The following NTM variants were observed in gnomAD, a reference collection of about 807,000 sequenced individuals.
NTM encodes the protein neurotrimin.
Under a neutral mutation model 42.1 loss-of-function variants are expected in NTM, and 13 were observed. The observed-to-expected ratio is 0.31, with a 90% CI of 0.20 to 0.49. The LOEUF (loss-of-function observed/expected upper bound fraction) is 0.49. Among genes scored for constraint, NTM ranks in the 20% least tolerant of loss-of-function variants. The pLI, the probability that NTM is intolerant of heterozygous loss-of-function variation, is 0.99. For synonymous variants in NTM, 187 were observed against 179.2 expected, an observed-to-expected ratio of 1.04 and a Z score of -0.35; for missense variants, 373 against 452.8, an observed-to-expected ratio of 0.82 and a Z score of 1.60.
At chr11:131,779,740 C>T (rs2087712714) in intron 1 of NTM, among the ~76,000 whole-genome samples, 1 of 151,988 alleles carries the variant, frequency 6.6e-6, no homozygotes, top group South Asian at 2.1e-4. Context: ...AGCAGATGTT[C>T]TTTAGGTGGA....
intron 3 of NTM, among the ~76,000 whole-genome samples, chr11:132,169,319 A>ATTTTTTTTTTTTTTTTTTTTTTT (rs1491121130): frequency 9.7e-5 from 1 of 10,288 alleles, no homozygotes; most frequent in African/African-American, 2.9e-4. Context: ...TAATTTTTTT[A>ATTTTTTTTTTTTTTTTTTTTTTT]CTTTTTTTTT....
intron 3 of NTM, among the ~76,000 whole-genome samples, chr11:132,159,320 C>T (rs181730255): frequency 1.3e-3 from 198 of 152,218 alleles, no homozygotes; most frequent in African/African-American, 4.4e-3. Context: ...TCCTAAGAGA[C>T]GCGTTTATTC....
chr11:131,803,023 C>G (rs1427671285), intron 1 of NTM, among the ~76,000 whole-genome samples: 1 of 152,186 alleles, frequency 6.6e-6, no homozygotes, highest in Non-Finnish European at 1.5e-5. Flanking sequence ...GCCAATAATT[C>G]TAGCATGTCA....
intron 1 of NTM, among the ~76,000 whole-genome samples, chr11:131,754,087 A>G (rs2082957480): frequency 7.2e-6 from 1 of 138,542 alleles, no homozygotes; most frequent in Non-Finnish European, 1.5e-5. Flanking sequence ...AACAATGAGA[A>G]CACATGGACA....
chr11:131,874,841 T>G (rs184572137), intron 1 of NTM, among the ~76,000 whole-genome samples: 8 of 152,330 alleles, frequency 5.3e-5, no homozygotes, highest in African/African-American at 1.7e-4. Context: ...CCCTTATCAG[T>G]TGGATTTTCT....
At chr11:131,684,243 G>T (rs1188021609) in intron 1 of NTM, among the ~76,000 whole-genome samples, 2 of 152,132 alleles carry the variant, frequency 1.3e-5, no homozygotes, top group Non-Finnish European at 2.9e-5. Context: ...ACGTCCTGAC[G>T]ACAGTGACTC....
At chr11:131,713,012 G>A (rs551590148) in intron 1 of NTM, among the ~76,000 whole-genome samples, 2 of 152,250 alleles carry the variant, frequency 1.3e-5, no homozygotes, top group East Asian at 3.9e-4. Context: ...GTCAGGGGTG[G>A]AGGTTGCAGG....
intron 1 of NTM, among the ~76,000 whole-genome samples, chr11:131,851,846 T>G (rs148200608): frequency 1.3e-4 from 19 of 151,776 alleles, no homozygotes; most frequent in African/African-American, 3.9e-4. Context: ...GCAGAGAAAA[T>G]GACACAAGAT....
chr11:131,814,976 G>T (rs1047452077), intron 1 of NTM, among the ~76,000 whole-genome samples: 4 of 151,922 alleles, frequency 2.6e-5, no homozygotes, highest in African/African-American at 9.7e-5. Flanking sequence ...CACACTGCGG[G>T]CCATGGATTT....
intron 2 of NTM, among the ~76,000 whole-genome samples, chr11:132,008,502 T>G (rs949997429): frequency 2.6e-5 from 4 of 152,022 alleles, no homozygotes; most frequent in African/African-American, 7.3e-5. Context: ...GTGTGGAGTC[T>G]ATGACAGGTT....
At chr11:131,977,997 A>C (rs1203801845) in intron 2 of NTM, among the ~76,000 whole-genome samples, 3 of 152,202 alleles carry the variant, frequency 2.0e-5, no homozygotes, top group Non-Finnish European at 2.9e-5. Context: ...AGTTATGTCC[A>C]AGGGGGACGC....
At chr11:131,417,174 A>G (rs1455632646) in intron 1 of NTM, among the ~76,000 whole-genome samples, 1 of 152,206 alleles carries the variant, frequency 6.6e-6, no homozygotes, top group Non-Finnish European at 1.5e-5. Flanking sequence ...GACAAGCAAA[A>G]TATCAGCTGA....
intron 4 of NTM, among the ~76,000 whole-genome samples, chr11:132,248,768 G>A (rs1393381156): frequency 2.6e-5 from 4 of 152,236 alleles, no homozygotes; most frequent in Non-Finnish European, 2.9e-5. Context: ...AGGGAAACAT[G>A]TATCAGCCAC....
chr11:132,025,694 A>G (rs2075071107), intron 2 of NTM, among the ~76,000 whole-genome samples: 1 of 152,162 alleles, frequency 6.6e-6, no homozygotes, highest in South Asian at 2.1e-4. Flanking sequence ...ACAGATTCAG[A>G]CCGAATTGGC....
chr11:131,846,962 T>C (rs1196818720), intron 1 of NTM, among the ~76,000 whole-genome samples: 1 of 152,184 alleles, frequency 6.6e-6, no homozygotes, highest in Non-Finnish European at 1.5e-5. Context: ...TAGCAAAACC[T>C]GCAGTGAGAA....
rs1479073438 is a variant in NTM at position 132,336,707 on chromosome 11, C to G, written c.*1561C>G. 1 of 151,906 alleles carries G rather than the reference C, an allele frequency of 6.6e-6. No homozygotes were observed. The highest frequency in any genetic ancestry group is 6.6e-5 in the Admixed American group (1 of 15,240). The allele number at this position is 151,906 out of a possible 1,614,324, so 9.4% of individuals were successfully genotyped here. ...TTCCCCTCCCCTGAAAGTCTGGGAA[C>G]CTGAGAGTCCTCGGGGAGGGGTCCT... On this transcript the variant is annotated 3_prime_UTR_variant, in exon 9 of 9. Coordinates refer to ENST00000683400, the MANE Select transcript of NTM (RefSeq NM_001352005.2).
chr11:131,811,728 T>C (rs1279728864), intron 1 of NTM, among the ~76,000 whole-genome samples: 1 of 152,150 alleles, frequency 6.6e-6, no homozygotes, highest in African/African-American at 2.4e-5. Flanking sequence ...CTCATTTACA[T>C]GTAAAATTGC....
At chr11:131,450,890 G>A (rs2136042779) in intron 1 of NTM, among the ~76,000 whole-genome samples, 1 of 152,220 alleles carries the variant, frequency 6.6e-6, no homozygotes, top group Non-Finnish European at 1.5e-5. Context: ...CCACAGAAAT[G>A]TTTGTTGAAT....
intron 1 of NTM, among the ~76,000 whole-genome samples, chr11:131,804,067 T>G (rs2092338536): frequency 6.6e-6 from 1 of 152,172 alleles, no homozygotes; most frequent in Non-Finnish European, 1.5e-5. Flanking sequence ...GGCCTGCTGA[T>G]CTGTTGATTT....
Sources: gnomAD v4.1 joint callset for allele counts (sites outside exome capture counted in the v4.1 genomes callset) on GRCh38, gnomAD v4.1.1 for gene constraint, MANE v1.5 for transcripts, NCBI Gene and HGNC (gene_info 2026-07-23, HGNC 2026-07-21) for gene names.